Variants in CYRIA observed in about 807,000 individuals in gnomAD.
The protein encoded by CYRIA is CYFIP related Rac1 interactor A.
Under a neutral mutation model 43.9 loss-of-function variants are expected in CYRIA, and 15 were observed. The ratio of observed to expected loss-of-function variants is 0.34; its 90% CI spans 0.23 to 0.53. The LOEUF is 0.53. Ranked by LOEUF, CYRIA falls within the 20% of genes least tolerant of loss-of-function variation. CYRIA has a pLI of 0.94. For missense variants in CYRIA, 236 were observed against 394.2 expected (o/e 0.60, Z 3.40); for synonymous variants, 117 against 136.0 (o/e 0.86, Z 0.97).
intron 1 of CYRIA, among the ~76,000 whole-genome samples, chr2:16,640,819 G>A (rs1446581102): frequency 7.0e-6 from 1 of 143,430 alleles, no homozygotes; most frequent in Non-Finnish European, 1.5e-5. Context: ...CAGAAACTAT[G>A]TTAATCACAG....
chr2:16,588,423 A>G (rs1667810879), intron 2 of CYRIA, among the ~76,000 whole-genome samples: 1 of 148,328 alleles, frequency 6.7e-6, no homozygotes, highest in Non-Finnish European at 1.5e-5. Context: ...TATCTCGTTC[A>G]CCATATAAAA....
chr2:16,575,001 C>A (rs1276988043), intron 3 of CYRIA, among the ~76,000 whole-genome samples: 1 of 152,170 alleles, frequency 6.6e-6, no homozygotes, highest in Admixed American at 6.5e-5. Flanking sequence ...AGACACTCAA[C>A]ACCAGCCTGT....
intron 2 of CYRIA, among the ~76,000 whole-genome samples, chr2:16,612,758 C>G (rs115901678): frequency 6.6e-6 from 1 of 152,146 alleles, no homozygotes; most frequent in Non-Finnish European, 1.5e-5. Flanking sequence ...CCCCACCAAG[C>G]GGAGGTGGAT....
chr2:16,629,334 A>C (rs1669257599), intron 1 of CYRIA, among the ~76,000 whole-genome samples: 1 of 152,168 alleles, frequency 6.6e-6, no homozygotes, highest in Non-Finnish European at 1.5e-5. Flanking sequence ...GGTGGTGTTT[A>C]AAGCTCGTTT....
At position 16,644,905 on chromosome 2, in the gene CYRIA, C is replaced by T. The variant is rs142223372; in HGVS notation, c.-167+20875G>A. On this transcript the variant is annotated intron_variant, in intron 1 of 11. Transcript: ENST00000381323. ...CACAACCACTCAGTCTCATAGCAGA[C>T]GGCAGCTGATTGAATTTACCTCTTA... 1.8e-3 allele frequency among the ~76,000 whole-genome samples: 267 copies of T among 152,252 alleles called. 2 individuals carry two copies. Among genetic ancestry groups the T allele is most frequent in the African/African-American group, 5.9e-3 (246 of 41,540 alleles).
intron 2 of CYRIA, among the ~76,000 whole-genome samples, chr2:16,617,165 C>T (rs1050813212): frequency 6.6e-5 from 10 of 152,274 alleles, no homozygotes; most frequent in South Asian, 4.2e-4. Flanking sequence ...GTCAAGCCTT[C>T]GGGTCTGGAG....
At chr2:16,604,986 C>A (rs1381875414) in intron 2 of CYRIA, among the ~76,000 whole-genome samples, 1 of 152,166 alleles carries the variant, frequency 6.6e-6, no homozygotes, top group Non-Finnish European at 1.5e-5. Context: ...TTTAACACTA[C>A]AAGTAATGGC....
At chr2:16,642,518 CT>C (rs777425664) in intron 1 of CYRIA, among the ~76,000 whole-genome samples, 4 of 152,216 alleles carry the variant, frequency 2.6e-5, no homozygotes, top group Non-Finnish European at 4.4e-5. Context: ...AGTTCCACCC[CT>C]GACACCCTGT....
At chr2:16,622,218 T>C (rs1038773329) in intron 2 of CYRIA, among the ~76,000 whole-genome samples, 1 of 152,090 alleles carries the variant, frequency 6.6e-6, no homozygotes, top group Non-Finnish European at 1.5e-5. Flanking sequence ...AGGGAATTAG[T>C]TTTCAGCTAA....
intron 3 of CYRIA, among the ~76,000 whole-genome samples, chr2:16,571,400 T>G (rs1667122732): frequency 6.6e-6 from 1 of 152,192 alleles, no homozygotes; most frequent in East Asian, 1.9e-4. Context: ...GCTTTGTTTT[T>G]GGGGAAGGTC....
At position 16,552,909 on chromosome 2, in the gene CYRIA, C is replaced by A. The variant is rs1314623349; in HGVS notation, c.*27G>T. 1.4e-6 allele frequency: 2 copies of A among 1,458,540 alleles called. No individual in the cohort carries two copies. The highest frequency in any genetic ancestry group is 1.9e-6 in the Non-Finnish European group (2 of 1,038,116). The allele number at this position is 1,458,540 out of a possible 1,614,324, so 90.3% of individuals were successfully genotyped here. A position where few individuals can be genotyped will look rare whatever the true frequency, so the allele number is the denominator to read the frequency against. On this transcript the variant is annotated 3_prime_UTR_variant, in exon 12 of 12. Transcript: ENST00000381323. ...ACATATACATCTTCTGAGGTCAGCA[C>A]ATAGATCCTCTTCTTTGAGCAGAGC...
At chr2:16,660,515 T>A (rs1265280086) in intron 1 of CYRIA, among the ~76,000 whole-genome samples, 1 of 152,202 alleles carries the variant, frequency 6.6e-6, no homozygotes, top group East Asian at 1.9e-4. Context: ...GGGCCATGTG[T>A]TTCCTCCCCT....
Position 16,579,752 on chromosome 2 carries a change from C to T in CYRIA, c.70+8298G>A, listed in dbSNP as rs1034032470. Among the ~76,000 whole-genome samples, 8 of 151,754 alleles carry T rather than the reference C, an allele frequency of 5.3e-5. 1 individual carries two copies. In the East Asian group the frequency reaches 1.6e-3, roughly 29 times the overall value. ...GAGTATCCCAAACAGTTTGATTTAT[C>T]AGAAAAACATGAAGAAAAAAAGAAG... On this transcript the variant is annotated intron_variant, in intron 3 of 11. Transcript: ENST00000381323.
rs754154704 is a variant in CYRIA at position 16,562,135 on chromosome 2, G to A, written c.305C>T (p.Ala102Val). ...CAGAGATTCCAATAAACTCTGAAGA[G>A]CTTTTTCTGAAAATCAAAGGGATAA... ...FYEFSIRLEK[A>V]LQSLLESLTC... is the part of the protein sequence containing the mutation. The change falls in exon 6 of 12, where the codon GCT becomes GTT. Residue 102 changes from alanine (A) to valine (V), a missense_variant. Ala to Val is a moderately conservative substitution (Grantham distance 64, BLOSUM62 0). This residue lies in a region of CYRIA where 193 missense variants were observed against 303.9 expected (regional missense o/e 0.64). Coordinates refer to ENST00000381323, the MANE Select transcript of CYRIA (RefSeq NM_030797.4). 3 of 1,610,102 alleles carry A rather than the reference G, an allele frequency of 1.9e-6. No homozygotes were observed.
intron 2 of CYRIA, among the ~76,000 whole-genome samples, chr2:16,610,245 T>C (rs534782574): frequency 6.6e-6 from 1 of 152,336 alleles, no homozygotes; most frequent in East Asian, 1.9e-4. Flanking sequence ...AGTGAGTAAC[T>C]TGCCTAGGGT....
At chr2:16,661,338 A>G (rs1321576978) in intron 1 of CYRIA, among the ~76,000 whole-genome samples, 2 of 152,166 alleles carry the variant, frequency 1.3e-5, no homozygotes, top group African/African-American at 4.8e-5. Context: ...CCATCCATCC[A>G]TATGTTCTGA....
chr2:16,650,349 T>C lies in CYRIA; in HGVS notation c.-167+15431A>G, dbSNP rs1458452241. On this transcript the variant is annotated intron_variant, in intron 1 of 11. Transcript: ENST00000381323. The surrounding 1 kb of genome is among the most constrained non-coding windows in gnomAD (Gnocchi z 4.1). ...AACCAAAAAGAGGAGCAAAGCTATA[T>C]ACTCAGCTGAATGAGTATATAGTAT... 1.3e-5 allele frequency among the ~76,000 whole-genome samples: 2 copies of C among 152,218 alleles called. No individual in the cohort carries two copies. The highest frequency in any genetic ancestry group is 1.5e-5 in the Non-Finnish European group (1 of 68,040).
intron 10 of CYRIA, among the ~76,000 whole-genome samples, chr2:16,558,288 C>A (rs1265969044): frequency 6.6e-6 from 1 of 152,036 alleles, no homozygotes; most frequent in East Asian, 1.9e-4. Flanking sequence ...TATGAAGAAA[C>A]ATGACTAACT....
At chr2:16,632,640 G>A (rs923251864) in intron 1 of CYRIA, among the ~76,000 whole-genome samples, 3 of 152,162 alleles carry the variant, frequency 2.0e-5, no homozygotes, top group Non-Finnish European at 4.4e-5. Flanking sequence ...CACAAAGCAG[G>A]CACGGGGGAA....
Sources: allele counts gnomAD v4.1 joint callset (sites outside exome capture counted in the v4.1 genomes callset), GRCh38; gene constraint gnomAD v4.1.1; regional missense constraint gnomAD v4.1.1; non-coding constraint Gnocchi (gnomAD v3.1); transcripts MANE v1.5; gene names NCBI Gene and HGNC (gene_info 2026-07-23, HGNC 2026-07-21).